Variants in GADL1 observed in about 807,000 individuals in gnomAD.
GADL1 encodes the protein acidic amino acid decarboxylase GADL1.
Under a neutral mutation model 69.5 loss-of-function variants are expected in GADL1, and 71 were observed. The ratio of observed to expected loss-of-function variants is 1.02; its 90% CI spans 0.84 to 1.25. The LOEUF (loss-of-function observed/expected upper bound fraction) is 1.25. GADL1 is among the 50% of genes most tolerant of loss of function. The probability of loss-of-function intolerance (pLI) is 0.00; values close to 1 mark genes in which losing one functional copy is unlikely to be tolerated. For synonymous variants in GADL1, 254 were observed against 214.4 expected, an observed-to-expected ratio of 1.18 and a Z score of -1.62; for missense variants, 737 against 631.8, an observed-to-expected ratio of 1.17 and a Z score of -1.79.
At chr3:30,832,340 A>T (rs1485878842) in intron 11 of GADL1, among the ~76,000 whole-genome samples, 3 of 118,052 alleles carry the variant, frequency 2.5e-5, no homozygotes, top group African/African-American at 4.5e-5. Context: ...TGAATTCTTT[A>T]AAAAAAAAAA....
chr3:30,867,838 A>G (rs1301986700), intron 1 of GADL1, among the ~76,000 whole-genome samples: 1 of 152,006 alleles, frequency 6.6e-6, no homozygotes, highest in Non-Finnish European at 1.5e-5. Flanking sequence ...AATAAGTGTC[A>G]AGTAGTGCCA....
intron 11 of GADL1, among the ~76,000 whole-genome samples, chr3:30,814,205 G>A (rs917632427): frequency 4.6e-5 from 7 of 152,096 alleles, no homozygotes; most frequent in African/African-American, 1.7e-4. Flanking sequence ...AGTCACACAA[G>A]GCAGTCCCAA....
At chr3:30,856,464 G>A (rs145069573) in intron 3 of GADL1, among the ~76,000 whole-genome samples, 4 of 151,962 alleles carry the variant, frequency 2.6e-5, no homozygotes, top group Non-Finnish European at 4.4e-5. Flanking sequence ...AACTTGGAAT[G>A]TATTCATTTG....
chr3:30,800,899 C>T lies in GADL1; in HGVS notation c.1240G>A (p.Ala414Thr). The T allele has an allele frequency of 6.3e-7, 1 of 1,586,090 alleles. No individual in the cohort carries two copies. The highest frequency in any genetic ancestry group is 1.8e-4 in the Middle Eastern group (1 of 5,596). ...GLEERVNRALALSRYLVDEIK... is the reference protein window; with the variant it reads ...GLEERVNRALTLSRYLVDEIK... ...GAGAGAGGCTAGTACCTAGATAAAG[C>T]AAGAGCACGATTAACTCTTTCTTCA... The change falls in exon 12 of 15, where the codon GCT becomes ACT. Residue 414 changes from alanine to threonine, a missense_variant. Ala to Thr is a moderately conservative substitution (Grantham distance 58). Transcript: ENST00000282538.
intron 1 of GADL1, among the ~76,000 whole-genome samples, chr3:30,863,494 A>G (rs996013681): frequency 6.6e-6 from 1 of 151,996 alleles, no homozygotes; most frequent in South Asian, 2.1e-4. Flanking sequence ...CACAAAAATA[A>G]TTCTGGCAAC....
chr3:30,822,801 C>T (rs2125518390), intron 11 of GADL1, among the ~76,000 whole-genome samples: 1 of 152,100 alleles, frequency 6.6e-6, no homozygotes, highest in South Asian at 2.1e-4. Context: ...CCAACTCCTG[C>T]TTTTTAATCA....
At chr3:30,854,607 A>T in intron 4 of GADL1, 92 bp downstream of exon 4, 1 of 748,924 alleles carries the variant, frequency 1.3e-6, no homozygotes, top group Non-Finnish European at 2.3e-6. Context: ...ATGCAAAAGA[A>T]ACCATTAAAT....
intron 11 of GADL1, among the ~76,000 whole-genome samples, chr3:30,831,029 T>A (rs1380842031): frequency 5.9e-5 from 9 of 151,992 alleles, no homozygotes; most frequent in Non-Finnish European, 5.9e-5. Flanking sequence ...TTTCACATTT[T>A]CCCATCTCTC....
At chr3:30,841,716 A>C (rs757742521) in intron 8 of GADL1, among the ~76,000 whole-genome samples, 6 of 152,180 alleles carry the variant, frequency 3.9e-5, no homozygotes, top group Non-Finnish European at 8.8e-5. Context: ...AATGATCATC[A>C]ATGGCAGCAA....
At chr3:30,829,899 A>G (rs747717929) in intron 11 of GADL1, among the ~76,000 whole-genome samples, 1 of 151,916 alleles carries the variant, frequency 6.6e-6, no homozygotes, top group African/African-American at 2.4e-5. Flanking sequence ...AATAGTAACT[A>G]TATAAGCACT....
intron 14 of GADL1, 54 bp downstream of exon 14, chr3:30,778,125 T>C: frequency 3.1e-6 from 3 of 970,514 alleles, no homozygotes; most frequent in Non-Finnish European, 3.3e-6. Flanking sequence ...CAACAGATAA[T>C]GTACACTGAA....
At chr3:30,774,989 G>A (rs949382349) in intron 14 of GADL1, among the ~76,000 whole-genome samples, 12 of 152,230 alleles carry the variant, frequency 7.9e-5, no homozygotes, top group African/African-American at 2.9e-4. Context: ...TACAATCTAG[G>A]TAGGGAAGTA....
intron 14 of GADL1, among the ~76,000 whole-genome samples, chr3:30,777,828 A>G (rs942363785): frequency 1.3e-5 from 2 of 152,204 alleles, no homozygotes; most frequent in African/African-American, 4.8e-5. Flanking sequence ...ATTTCCAAGT[A>G]AGGTGGTACA....
At position 30,754,100 on chromosome 3, in the gene GADL1, G is replaced by A. The variant is rs1403211305; in HGVS notation, c.1392+24079C>T. On this transcript the variant is annotated intron_variant, in intron 14 of 14. Transcript: ENST00000282538. Reference sequence around the variant, plus strand: ...GTCACACAGGCTTTCCTGAAAAAGCGTCTGATTGCTAATGTGCCTCCCAAA... The same window carrying A: ...GTCACACAGGCTTTCCTGAAAAAGCATCTGATTGCTAATGTGCCTCCCAAA... Among the ~76,000 whole-genome samples, 8 of 152,298 alleles carry A rather than the reference G, an allele frequency of 5.3e-5. No homozygotes were observed. In the South Asian group the frequency reaches 6.2e-4, roughly 12 times the overall value.
At chr3:30,796,382 T>C (rs867473713) in intron 12 of GADL1, among the ~76,000 whole-genome samples, 1 of 152,224 alleles carries the variant, frequency 6.6e-6, no homozygotes, top group Middle Eastern at 3.4e-3. Flanking sequence ...CTAACAAAGG[T>C]ACCTTCATCT....
chr3:30,889,193 C>CATGTTTTA (rs1698751561), intron 1 of GADL1, among the ~76,000 whole-genome samples: 2 of 148,256 alleles, frequency 1.3e-5, no homozygotes, highest in African/African-American at 5.0e-5. Context: ...AGACCAAAGG[C>CATGTTTTA]ATGTTTTACA....
At chr3:30,740,694 C>T (rs1160816251) in intron 14 of GADL1, among the ~76,000 whole-genome samples, 1 of 151,788 alleles carries the variant, frequency 6.6e-6, no homozygotes, top group Non-Finnish European at 1.5e-5. Context: ...AGTTATCTAC[C>T]AGCCATTTGA....
At chr3:30,739,385 C>T (rs1251553181) in intron 14 of GADL1, among the ~76,000 whole-genome samples, 3 of 152,150 alleles carry the variant, frequency 2.0e-5, no homozygotes, top group Admixed American at 1.3e-4. Context: ...CTGTGCCCAC[C>T]TGCCTGCACC....
Position 30,758,751 on chromosome 3 carries a change from GTATT to G in GADL1, c.1392+19424_1392+19427del, listed in dbSNP as rs368666802. ...ACTCCATTGTATTTCCATAAAGCAA[GTATT>G]TATTTATTGCCTCATAATGAAGTAC... On this transcript the variant is annotated intron_variant, in intron 14 of 14. Transcript: ENST00000282538. 2.7e-3 allele frequency among the ~76,000 whole-genome samples: 417 copies of G among 152,316 alleles called. 1 individual carries two copies. The highest frequency in any genetic ancestry group is 0.015 in the East Asian group (76 of 5,186).
Sources: allele counts gnomAD v4.1 joint callset (sites outside exome capture counted in the v4.1 genomes callset), GRCh38; gene constraint gnomAD v4.1.1; transcripts MANE v1.5; gene names NCBI Gene and HGNC (gene_info 2026-07-23, HGNC 2026-07-21).